The following LRRC8A variants were observed in gnomAD, a reference collection of about 807,000 sequenced individuals.
LRRC8A encodes the protein leucine rich repeat containing 8 VRAC subunit A.
LRRC8A carries 24 observed loss-of-function variants against 52.5 expected under a neutral mutation model. That is an observed-to-expected ratio of 0.46 (90% CI 0.33 to 0.64). LRRC8A has a LOEUF of 0.64. Ranked by LOEUF, LRRC8A falls within the 30% of genes least tolerant of loss-of-function variation. The pLI, the probability that LRRC8A is intolerant of heterozygous loss-of-function variation, is 0.02. For synonymous variants in LRRC8A, 492 were observed against 494.2 expected, an observed-to-expected ratio of 1.00 and a Z score of 0.06; for missense variants, 677 against 1,094.7, an observed-to-expected ratio of 0.62 and a Z score of 5.38.
intron 3 of LRRC8A, among the ~76,000 whole-genome samples, chr9:128,915,224 A>C (rs1840756113): frequency 6.6e-6 from 1 of 152,294 alleles, no homozygotes. Flanking sequence ...GATGCCTGGC[A>C]CTGCAGGTAG....
Position 128,907,605 on chromosome 9 carries a change from G to C in LRRC8A, c.441G>C (p.Pro147=), listed in dbSNP as rs745404515. 1 of 1,614,120 alleles carries C rather than the reference G, an allele frequency of 6.2e-7. No homozygotes were observed. Among genetic ancestry groups the C allele is most frequent in the African/African-American group, 1.3e-5 (1 of 75,030 alleles). ...GCAGCAACTTCTGGTTCAAATTCCC[G>C]CGCACCAGCTCGAAGCTGGAGCACT... ...LACSNFWFKF[P]RTSSKLEHFV... is the part of the protein sequence containing the mutation. Residue 147 remains proline (P), a synonymous_variant, in exon 3 of 4, where the codon CCG becomes CCC. Coordinates refer to ENST00000372600, the MANE Select transcript of LRRC8A (RefSeq NM_019594.4). The surrounding 1 kb of genome is among the most constrained non-coding windows in gnomAD (Gnocchi z 9.3).
chr9:128,900,389 C>T (rs150951771), intron 2 of LRRC8A, among the ~76,000 whole-genome samples: 7 of 152,336 alleles, frequency 4.6e-5, no homozygotes, highest in East Asian at 1.9e-4. Flanking sequence ...GGGCTGACTG[C>T]GCCCCACTCT....
intron 2 of LRRC8A, among the ~76,000 whole-genome samples, chr9:128,900,986 A>G (rs1049400252): frequency 2.0e-5 from 3 of 152,164 alleles, no homozygotes; most frequent in Non-Finnish European, 4.4e-5. Context: ...CAGCCTGACC[A>G]ACATGGTAAA....
At position 128,911,114 on chromosome 9, in the gene LRRC8A, A is replaced by G. The variant is rs1401509569; in HGVS notation, c.2157+1793A>G. ...CTGTCTATAGTATCCTCAGGCACGG[A>G]GGGAGGTGGCCCCTGGAATGCCCTG... is the stretch of plus-strand genomic sequence containing the variant. On this transcript the variant is annotated intron_variant, in intron 3 of 3. Coordinates refer to ENST00000372600, the MANE Select transcript of LRRC8A (RefSeq NM_019594.4). The surrounding 1 kb of genome is among the most constrained non-coding windows in gnomAD (Gnocchi z 4.9). Among the ~76,000 whole-genome samples the G allele has an allele frequency of 6.6e-6, 1 of 152,120 alleles. No individual in the cohort carries two copies. The highest frequency in any genetic ancestry group is 2.4e-5 in the African/African-American group (1 of 41,416).
chr9:128,903,466 G>T (rs1840108964), intron 2 of LRRC8A, among the ~76,000 whole-genome samples: 1 of 148,946 alleles, frequency 6.7e-6, no homozygotes, highest in Admixed American at 6.7e-5. Context: ...AGGCTGGAGT[G>T]CAGTGGCGTG....
Position 128,909,231 on chromosome 9 carries a change from C to T in LRRC8A, c.2067C>T (p.Tyr689=). 6.2e-7 allele frequency: 1 copy of T among 1,614,156 alleles called. No individual in the cohort carries two copies. Among genetic ancestry groups the T allele is most frequent in the Non-Finnish European group, 8.5e-7 (1 of 1,180,046 alleles). Residue 689 remains tyrosine (Y), a synonymous_variant, in exon 3 of 4, where the codon TAC becomes TAT. Transcript: ENST00000372600. ...TQLFYCRKLR[Y]LDLSHNNLTF... ...TCTTCTACTGCCGCAAGCTGCGCTA[C>T]CTGGACCTCAGCCACAACAACCTGA...
chr9:128,902,771 G>A lies in LRRC8A; in HGVS notation c.-8-4386G>A, dbSNP rs1445146287. Among the ~76,000 whole-genome samples, 2 of 151,950 alleles carry A rather than the reference G, an allele frequency of 1.3e-5. No homozygotes were observed. Among genetic ancestry groups the A allele is most frequent in the African/African-American group, 2.4e-5 (1 of 41,368 alleles). On this transcript the variant is annotated intron_variant, in intron 2 of 3. Coordinates refer to ENST00000372600, the MANE Select transcript of LRRC8A (RefSeq NM_019594.4). This position sits in a 1 kb window ranked among gnomAD's most constrained non-coding sequence, Gnocchi z 4.1. ...TTCCCAGCAGTGTAGGTGGTGCGTG[G>A]ACCCACCTGGTCATTAGAGGGCCCG...
rs547352076 is a variant in LRRC8A at position 128,892,151 on chromosome 9, G to A, written c.-9+6030G>A. ...GGTGAAGGGACTTTCTCACGGTCTC[G>A]TGGTGAGGTGGGTGCCACCTTGCTG... On this transcript the variant is annotated intron_variant, in intron 2 of 3. Transcript: ENST00000372600. The surrounding 1 kb of genome is among the most constrained non-coding windows in gnomAD (Gnocchi z 5.2). Among the ~76,000 whole-genome samples, 5 of 152,242 alleles carry A rather than the reference G, an allele frequency of 3.3e-5. No individual in the cohort carries two copies. The highest frequency in any genetic ancestry group is 4.1e-4 in the South Asian group (2 of 4,836).
chr9:128,916,848 G>A lies in LRRC8A; in HGVS notation c.*477G>A, dbSNP rs546838971. 2.1e-4 allele frequency: 34 copies of A among 162,072 alleles called. No homozygotes were observed. The highest frequency in any genetic ancestry group is 8.8e-4 in the South Asian group (5 of 5,686). The allele number at this position is 162,072 out of a possible 1,614,324, so 10.0% of individuals were successfully genotyped here. On this transcript the variant is annotated 3_prime_UTR_variant, in exon 4 of 4. Transcript: ENST00000372600. This position sits in a 1 kb window ranked among gnomAD's most constrained non-coding sequence, Gnocchi z 6.1. ...CCCCTTGTCCTTATTTAGCGATGCC[G>A]CCGGGCATTTAACACCCACCTGGAC...
Position 128,907,281 on chromosome 9 carries a change from C to T in LRRC8A, c.117C>T (p.Ala39=), listed in dbSNP as rs75533615. 6.1e-4 allele frequency: 984 copies of T among 1,614,070 alleles called. 7 individuals are homozygous for T. In the African/African-American group the frequency reaches 0.011, roughly 19 times the overall value. Reference sequence around the variant, plus strand: ...TCTCTATCGTCATGCTGATGATTGCCGTCTTCGGGGGGACGCTGCAGGTCA... The same window carrying T: ...TCTCTATCGTCATGCTGATGATTGCTGTCTTCGGGGGGACGCTGCAGGTCA... ...DYISIVMLMI[A]VFGGTLQVTQ... is the part of the protein sequence containing the mutation. Residue 39 remains alanine (A), a synonymous_variant, in exon 3 of 4, where the codon GCC becomes GCT. Coordinates refer to ENST00000372600, the MANE Select transcript of LRRC8A (RefSeq NM_019594.4). This position sits in a 1 kb window ranked among gnomAD's most constrained non-coding sequence, Gnocchi z 9.3.
rs769562257 is a variant in LRRC8A at position 128,908,457 on chromosome 9, C to T, written c.1293C>T (p.His431=). The T allele has an allele frequency of 6.2e-7, 1 of 1,613,320 alleles. No homozygotes were observed. ...ACGCGCAGGACAAGCTGGAGCTGCA[C>T]CTGTTCATGCTCAGTGGCATCCCTG... ...TKNAQDKLEL[H]LFMLSGIPDT... The change falls in exon 3 of 4, where the codon CAC becomes CAT. Residue 431 remains histidine, a synonymous_variant. Transcript: ENST00000372600.
In LRRC8A at chr9:128,911,669, G is replaced by A. The variant is rs1364768869; in HGVS notation, c.2157+2348G>A. Among the ~76,000 whole-genome samples the A allele has an allele frequency of 2.0e-5, 3 of 152,142 alleles. No individual in the cohort carries two copies. The highest frequency in any genetic ancestry group is 7.2e-5 in the African/African-American group (3 of 41,518). On this transcript the variant is annotated intron_variant, in intron 3 of 3. Coordinates refer to ENST00000372600, the MANE Select transcript of LRRC8A (RefSeq NM_019594.4). This position sits in a 1 kb window ranked among gnomAD's most constrained non-coding sequence, Gnocchi z 4.9. ...CCCCACCCCCAGCTCCTCCCGCCAA[G>A]CTTGCCTGTTAGTGTCATGCCTGCT...
rs991651373 is a variant in LRRC8A at position 128,902,812 on chromosome 9, C to G, written c.-8-4345C>G. Among the ~76,000 whole-genome samples, 6 of 152,152 alleles carry G rather than the reference C, an allele frequency of 3.9e-5. No individual in the cohort carries two copies. Among genetic ancestry groups the G allele is most frequent in the African/African-American group, 1.4e-4 (6 of 41,440 alleles). On this transcript the variant is annotated intron_variant, in intron 2 of 3. Transcript: ENST00000372600. This position sits in a 1 kb window ranked among gnomAD's most constrained non-coding sequence, Gnocchi z 4.1. ...AGAGGGCCCGGGCCTTCCTGTGGGG[C>G]GGGTGCTTGCCCTGGCCCGTGAGTC...
Position 128,909,285 on chromosome 9 carries a change from G to T in LRRC8A, c.2121G>T (p.Leu707=). The part of the protein sequence containing the change: ...LTFLPADIGL[L]QNLQNLAITA... ...TCCTCCCTGCCGACATCGGCCTCCT[G>T]CAGAACCTCCAGAACCTAGCCATCA... Residue 707 remains leucine (L), a synonymous_variant, in exon 3 of 4, where the codon CTG becomes CTT. Coordinates refer to ENST00000372600, the MANE Select transcript of LRRC8A (RefSeq NM_019594.4). The T allele has an allele frequency of 6.2e-7, 1 of 1,613,734 alleles. No homozygotes were observed. The highest frequency in any genetic ancestry group is 1.1e-5 in the South Asian group (1 of 91,088).
At chr9:128,914,031 C>G (rs961397226) in intron 3 of LRRC8A, among the ~76,000 whole-genome samples, 3 of 152,114 alleles carry the variant, frequency 2.0e-5, no homozygotes, top group Admixed American at 6.5e-5. Context: ...ATAATGAAAC[C>G]CCGTCTCTGC....
In LRRC8A at chr9:128,911,044, T is replaced by G. The variant is rs986505255; in HGVS notation, c.2157+1723T>G. On this transcript the variant is annotated intron_variant, in intron 3 of 3. Coordinates refer to ENST00000372600, the MANE Select transcript of LRRC8A (RefSeq NM_019594.4). The surrounding 1 kb of genome is among the most constrained non-coding windows in gnomAD (Gnocchi z 4.9). ...GAGTCCTCCCAACAGGGTCTGTCTA[T>G]AGCATCCTCAGGCACGGAGGGAGGT... Among the ~76,000 whole-genome samples, 1 of 152,102 alleles carries G rather than the reference T, an allele frequency of 6.6e-6. No homozygotes were observed.
intron 2 of LRRC8A, among the ~76,000 whole-genome samples, chr9:128,904,922 T>C (rs1234092921): frequency 7.1e-6 from 1 of 140,154 alleles, no homozygotes; most frequent in Admixed American, 8.2e-5. Flanking sequence ...GGCGTGAATC[T>C]GGGAGGCGGA....
chr9:128,899,107 TG>T lies in LRRC8A; in HGVS notation c.-8-8047del, dbSNP rs1839931253. Among the ~76,000 whole-genome samples, 1 of 152,174 alleles carries T rather than the reference TG, an allele frequency of 6.6e-6. No individual in the cohort carries two copies. The highest frequency in any genetic ancestry group is 1.5e-5 in the Non-Finnish European group (1 of 68,026). ...GAGGAGTCCAGGCTGGGCAGAGGCC[TG>T]GGCGCACCCACCCCTTGGCCCATTT... is the stretch of plus-strand genomic sequence containing the variant. On this transcript the variant is annotated intron_variant, in intron 2 of 3. Coordinates refer to ENST00000372600, the MANE Select transcript of LRRC8A (RefSeq NM_019594.4). This position sits in a 1 kb window ranked among gnomAD's most constrained non-coding sequence, Gnocchi z 4.0.
intron 3 of LRRC8A, among the ~76,000 whole-genome samples, chr9:128,913,930 C>G (rs1467482591): frequency 1.3e-5 from 2 of 152,208 alleles, no homozygotes; most frequent in Admixed American, 6.5e-5. Context: ...CTGGGCTGGG[C>G]ATGGTGGCTC....
Sources: allele counts gnomAD v4.1 joint callset (sites outside exome capture counted in the v4.1 genomes callset), GRCh38; gene constraint gnomAD v4.1.1; non-coding constraint Gnocchi (gnomAD v3.1); transcripts MANE v1.5; gene names NCBI Gene and HGNC (gene_info 2026-07-23, HGNC 2026-07-21).